Variants in SNAPC3 observed in about 807,000 individuals in gnomAD.
The protein encoded by SNAPC3 is snRNA-activating protein complex subunit 3.
A neutral mutation model predicts 47.7 loss-of-function variants in SNAPC3; 56 were observed. The observed-to-expected ratio is 1.18, with a 90% CI of 0.95 to 1.47. The LOEUF (loss-of-function observed/expected upper bound fraction) is 1.47. Ranked by LOEUF, SNAPC3 falls within the 40% of genes most tolerant of loss-of-function variation. SNAPC3 has a pLI of 0.00. For synonymous variants in SNAPC3, 235 were observed against 189.9 expected, an observed-to-expected ratio of 1.24 and a Z score of -1.95; for missense variants, 665 against 511.3, an observed-to-expected ratio of 1.30 and a Z score of -2.90.
At chr9:15,462,018 T>C (rs2035256624), downstream of SNAPC3, 1 of 152,208 alleles carries the variant, frequency 6.6e-6, no homozygotes, top group Admixed American at 6.5e-5. Context: ...AAATTTTGAT[T>C]CCTTTATTTT....
At chr9:15,423,627 TCTGTTA>T (rs1305089836) in intron 1 of SNAPC3, among the ~76,000 whole-genome samples, 2 of 152,194 alleles carry the variant, frequency 1.3e-5, no homozygotes, top group Non-Finnish European at 2.9e-5. Flanking sequence ...TTCCGGGTAT[TCTGTTA>T]CTGAAATATT....
At position 15,461,089 on chromosome 9, in the gene SNAPC3, T is replaced by G. The variant is rs1396297473; in HGVS notation, c.*1223T>G. 3 of 152,062 alleles carry G rather than the reference T, an allele frequency of 2.0e-5. No homozygotes were observed. The highest frequency in any genetic ancestry group is 7.2e-5 in the African/African-American group (3 of 41,434). 9.4% of individuals were successfully genotyped at this position (152,062 alleles called of 1,614,324 possible). A position where few individuals can be genotyped will look rare whatever the true frequency, so the allele number is the denominator to read the frequency against. On this transcript the variant is annotated 3_prime_UTR_variant, in exon 9 of 9. Transcript: ENST00000380821. ...TTTTCCTGGCCCAGGTCTTCCATTC[T>G]TCTGGTCCCCTTACTATAGTAATTC...
intron 7 of SNAPC3, among the ~76,000 whole-genome samples, chr9:15,456,583 TCA>T (rs1251176310): frequency 6.6e-6 from 1 of 152,048 alleles, no homozygotes; most frequent in African/African-American, 2.4e-5. Context: ...TCGTCTTCCC[TCA>T]GTCTTTCCCA....
chr9:15,454,038 C>T (rs1259668586), intron 7 of SNAPC3, among the ~76,000 whole-genome samples: 1 of 151,954 alleles, frequency 6.6e-6, no homozygotes, highest in Non-Finnish European at 1.5e-5. Context: ...AGTTCGAGAC[C>T]AGCCTGAACA....
At chr9:15,444,962 G>A (rs1050869916) in intron 4 of SNAPC3, among the ~76,000 whole-genome samples, 4 of 152,258 alleles carry the variant, frequency 2.6e-5, no homozygotes, top group East Asian at 3.9e-4. Context: ...GCATGGTGGT[G>A]CACATCTGTA....
intron 3 of SNAPC3, among the ~76,000 whole-genome samples, chr9:15,442,864 A>T (rs990224690): frequency 3.9e-5 from 6 of 152,260 alleles, no homozygotes; most frequent in Admixed American, 3.3e-4. Context: ...ACGCCACTGC[A>T]CTCCAGCCTG....
At chr9:15,451,971 A>T (rs76683500) in intron 6 of SNAPC3, among the ~76,000 whole-genome samples, 2 of 7,178 alleles carry the variant, frequency 2.8e-4, no homozygotes, top group South Asian at 1.9e-3. Flanking sequence ...TGCCCTTTTT[A>T]AAAAAAAAAA....
chr9:15,454,665 C>T (rs1385093767), intron 7 of SNAPC3, among the ~76,000 whole-genome samples: 7 of 152,150 alleles, frequency 4.6e-5, no homozygotes, highest in African/African-American at 4.8e-5. Context: ...GGGCCAGGCC[C>T]GGTGGCTCAC....
At position 15,423,166 on chromosome 9, in the gene SNAPC3, C is replaced by T. The variant is rs776455493; in HGVS notation, c.287C>T (p.Ala96Val). The change falls in exon 1 of 9, where the codon GCG becomes GTG. Residue 96 changes from alanine (A) to valine (V), a missense_variant. Transcript: ENST00000380821. ...VARDLDCSLEAAAELRAVCGL... is the reference protein window; with the variant it reads ...VARDLDCSLEVAAELRAVCGL... ...AGGGATCTGGACTGCAGCCTGGAGGCGGCGGCTGAGCTGAGGGCGGTGTGC... is the reference window on the plus strand; with the variant it reads ...AGGGATCTGGACTGCAGCCTGGAGGTGGCGGCTGAGCTGAGGGCGGTGTGC... The T allele has an allele frequency of 1.9e-6, 3 of 1,572,656 alleles. No individual in the cohort carries two copies. Among genetic ancestry groups the T allele is most frequent in the East Asian group, 2.3e-5 (1 of 42,958 alleles).
intron 3 of SNAPC3, among the ~76,000 whole-genome samples, chr9:15,441,230 TTTC>T (rs910757119): frequency 3.3e-5 from 5 of 151,782 alleles, no homozygotes; most frequent in African/African-American, 9.6e-5. Flanking sequence ...TTAATTTCAT[TTTC>T]TTCATTTTAT....
At chr9:15,465,849 C>A (rs1431935231), downstream of SNAPC3, 4 of 340,302 alleles carry the variant, frequency 1.2e-5, no homozygotes, top group Non-Finnish European at 2.1e-5. Flanking sequence ...CCCTTTCCAT[C>A]ATTTCTAGCA....
At chr9:15,451,725 A>G (rs749395288) in intron 6 of SNAPC3, among the ~76,000 whole-genome samples, 3 of 151,944 alleles carry the variant, frequency 2.0e-5, no homozygotes. Flanking sequence ...TAAATAAATC[A>G]CCTTAACATG....
At chr9:15,434,140 A>G (rs954385426) in intron 3 of SNAPC3, among the ~76,000 whole-genome samples, 1 of 152,326 alleles carries the variant, frequency 6.6e-6, no homozygotes, top group South Asian at 2.1e-4. Flanking sequence ...TTATTGTGGT[A>G]AAATTTACAT....
At chr9:15,459,529 C>G (rs902801462) in intron 8 of SNAPC3, among the ~76,000 whole-genome samples, 190 bp from the exon 9 acceptor site, 1 of 152,114 alleles carries the variant, frequency 6.6e-6, no homozygotes, top group African/African-American at 2.4e-5. Flanking sequence ...GATGCCCTTT[C>G]GCTTTGTAGA....
At chr9:15,447,066 T>TGAA in intron 4 of SNAPC3, 29 bp from the exon 5 acceptor site, 1 of 1,601,542 alleles carries the variant, frequency 6.2e-7, no homozygotes, top group South Asian at 1.1e-5. Flanking sequence ...TGTCTCTAAA[T>TGAA]GAACACTTAT....
Position 15,433,553 on chromosome 9 carries a change from G to T in SNAPC3, c.394G>T (p.Val132Phe). The T allele has an allele frequency of 6.3e-7, 1 of 1,581,948 alleles. No homozygotes were observed. Residue 132 changes from valine (V) to phenylalanine (F), a missense_variant and splice_region_variant, in exon 3 of 9, where the codon GTT (valine) becomes TTT (phenylalanine). Coordinates refer to ENST00000380821, the MANE Select transcript of SNAPC3 (RefSeq NM_001039697.2). ...PENTDLVTLG[V>F]RKRFLEHREE... ...TTTTTTCTTTTACATCTACAACAGG[G>T]TTAGAAAAAGGTTCTTGGAACATCG...
chr9:15,441,213 TA>T (rs1163089211), intron 3 of SNAPC3, among the ~76,000 whole-genome samples: 1 of 151,482 alleles, frequency 6.6e-6, no homozygotes, highest in Non-Finnish European at 1.5e-5. Flanking sequence ...ACGTTATTAT[TA>T]TTTTTTTAAT....
At chr9:15,425,466 A>C (rs376834538) in intron 2 of SNAPC3, among the ~76,000 whole-genome samples, 1 of 151,936 alleles carries the variant, frequency 6.6e-6, no homozygotes, top group Non-Finnish European at 1.5e-5. Context: ...GATCTGCCCA[A>C]CTCGTTCTCC....
chr9:15,462,005 T>A (rs1023306903), downstream of SNAPC3: 1 of 152,194 alleles, frequency 6.6e-6, no homozygotes, highest in African/African-American at 2.4e-5. Flanking sequence ...ATTCCATGGG[T>A]AAAAATTTTG....
Sources: gnomAD v4.1 joint callset for allele counts (sites outside exome capture counted in the v4.1 genomes callset) on GRCh38, gnomAD v4.1.1 for gene constraint, MANE v1.5 for transcripts, NCBI Gene and HGNC (gene_info 2026-07-23, HGNC 2026-07-21) for gene names.